Variants in USP12 observed in about 807,000 individuals in gnomAD.
USP12 encodes the protein ubiquitin specific peptidase 12, also known as ubiquitin carboxyl-terminal hydrolase 12.
Under a neutral mutation model 45.5 loss-of-function variants are expected in USP12, and 19 were observed. The observed-to-expected ratio is 0.42, with a 90% CI of 0.29 to 0.61. The LOEUF (loss-of-function observed/expected upper bound fraction) is 0.61, where lower values mean the gene tolerates loss of function less well. Among genes scored for constraint, USP12 ranks in the 20% least tolerant of loss-of-function variants. USP12 has a pLI of 0.22. For synonymous variants in USP12, 149 were observed against 148.8 expected (o/e 1.00, Z -0.01); for missense variants, 242 against 447.7 (o/e 0.54, Z 4.15).
chr13:27,098,038 T>C (rs1593182649), intron 3 of USP12, among the ~76,000 whole-genome samples: 1 of 148,714 alleles, frequency 6.7e-6, no homozygotes, highest in East Asian at 2.0e-4. Flanking sequence ...CAGGATGGAG[T>C]GCAACTTCAT....
intron 2 of USP12, among the ~76,000 whole-genome samples, chr13:27,106,383 T>C (rs565596): frequency 0.063 from 8,636 of 136,516 alleles, 311 homozygotes; most frequent in African/African-American, 0.078. Context: ...CTCTCCACTC[T>C]AGTAATTGGG....
At chr13:27,071,564 A>T (rs1252645442) in intron 7 of USP12, among the ~76,000 whole-genome samples, 4 of 152,170 alleles carry the variant, frequency 2.6e-5, no homozygotes, top group Non-Finnish European at 5.9e-5. Flanking sequence ...TCCCTTGGTA[A>T]TGGTTTTTTT....
At chr13:27,134,202 A>C (rs1337930277) in intron 1 of USP12, among the ~76,000 whole-genome samples, 1 of 152,202 alleles carries the variant, frequency 6.6e-6, no homozygotes, top group Admixed American at 6.5e-5. Context: ...CCTATAAATG[A>C]AAAAGACTAA....
chr13:27,104,680 A>G (rs1157466628), intron 3 of USP12, among the ~76,000 whole-genome samples: 2 of 152,216 alleles, frequency 1.3e-5, no homozygotes, highest in Admixed American at 1.3e-4. Context: ...ATAATAGCCT[A>G]TAGCCTATTT....
In USP12 at chr13:27,135,069, G is replaced by A. The variant is rs112666424; in HGVS notation, c.49-18473C>T. On this transcript the variant is annotated intron_variant, in intron 1 of 8. Transcript: ENST00000282344. ...GGAGGACGAGGTGGGCAAATCCCTT[G>A]AGCCCAGAAGTTTGAGACCAGCCTG... Among the ~76,000 whole-genome samples the A allele has an allele frequency of 3.8e-3, 586 of 152,248 alleles. 4 individuals are homozygous for A. Among genetic ancestry groups the A allele is most frequent in the African/African-American group, 0.013 (554 of 41,554 alleles).
intron 1 of USP12, among the ~76,000 whole-genome samples, chr13:27,143,056 G>A (rs988164078): frequency 7.3e-5 from 11 of 149,700 alleles, no homozygotes; most frequent in Non-Finnish European, 1.6e-4. Context: ...TCACGCCACT[G>A]CACTCTAGCC....
At chr13:27,084,169 T>TACATACATACACACAC (rs1295472031) in intron 6 of USP12, among the ~76,000 whole-genome samples, 1 of 142,412 alleles carries the variant, frequency 7.0e-6, no homozygotes, top group African/African-American at 2.7e-5. Context: ...CATGTTTGCA[T>TACATACATACACACAC]ACACACACAC....
At chr13:27,111,907 C>A (rs1875465144) in intron 2 of USP12, among the ~76,000 whole-genome samples, 1 of 151,436 alleles carries the variant, frequency 6.6e-6, no homozygotes, top group Non-Finnish European at 1.5e-5. Context: ...TAATGGCTAT[C>A]AAAACTGAAA....
intron 3 of USP12, 64 bp from the exon 4 acceptor site, chr13:27,095,894 TTATAAAAGA>T (rs1874558174): frequency 8.1e-7 from 1 of 1,238,342 alleles, no homozygotes; most frequent in African/African-American, 1.5e-5. Flanking sequence ...AAAAACCAAT[TTATAAAAGA>T]ATATCTAGTA....
intron 6 of USP12, among the ~76,000 whole-genome samples, chr13:27,089,152 T>C (rs1036229703): frequency 6.6e-6 from 1 of 152,224 alleles, no homozygotes; most frequent in Non-Finnish European, 1.5e-5. Flanking sequence ...TGTGGGATTC[T>C]GGACAGAATC....
intron 2 of USP12, among the ~76,000 whole-genome samples, chr13:27,116,148 T>A (rs1355460934): frequency 6.6e-6 from 1 of 151,740 alleles, no homozygotes; most frequent in African/African-American, 2.4e-5. Flanking sequence ...CTGTCTCTAC[T>A]AAAAATACAA....
intron 2 of USP12, among the ~76,000 whole-genome samples, chr13:27,110,854 T>C (rs1262641391): frequency 6.6e-6 from 1 of 152,152 alleles, no homozygotes; most frequent in East Asian, 1.9e-4. Context: ...ATCTCCATAT[T>C]TTGGAATAGG....
intron 1 of USP12, among the ~76,000 whole-genome samples, chr13:27,158,709 T>G (rs1468244506): frequency 6.6e-6 from 1 of 152,172 alleles, no homozygotes; most frequent in Admixed American, 6.5e-5. Flanking sequence ...ACACACAGTT[T>G]CTGGCACTTT....
intron 6 of USP12, chr13:27,089,500 T>C (rs557132579): frequency 1.3e-4 from 21 of 167,198 alleles, no homozygotes; most frequent in Non-Finnish European, 2.5e-4. Context: ...TAAGAGAATG[T>C]ACAACATCCT....
At chr13:27,110,991 G>A (rs1252629190) in intron 2 of USP12, among the ~76,000 whole-genome samples, 1 of 152,128 alleles carries the variant, frequency 6.6e-6, no homozygotes, top group Non-Finnish European at 1.5e-5. Flanking sequence ...GAAGCAAATA[G>A]GATAGGCTAA....
intron 3 of USP12, among the ~76,000 whole-genome samples, chr13:27,101,909 C>A (rs938871018): frequency 1.3e-5 from 2 of 152,178 alleles, no homozygotes; most frequent in Non-Finnish European, 2.9e-5. Flanking sequence ...ACATGAAACG[C>A]TGCTTGTCCA....
intron 4 of USP12, among the ~76,000 whole-genome samples, chr13:27,090,902 G>A (rs530044908): frequency 2.0e-5 from 3 of 152,274 alleles, no homozygotes; most frequent in East Asian, 3.9e-4. Context: ...TACAACATGT[G>A]ACTATACAAA....
chr13:27,150,217 A>G (rs1436427420), intron 1 of USP12, among the ~76,000 whole-genome samples: 1 of 152,216 alleles, frequency 6.6e-6, no homozygotes, highest in African/African-American at 2.4e-5. Context: ...AAATACATAC[A>G]ATTATGTCAA....
At chr13:27,162,772 T>C (rs989455816) in intron 1 of USP12, 9 of 152,240 alleles carry the variant, frequency 5.9e-5, no homozygotes, top group African/African-American at 1.9e-4. Context: ...TGGATTATTA[T>C]GATTAATGAA....
Sources: gnomAD v4.1 joint callset for allele counts (sites outside exome capture counted in the v4.1 genomes callset) on GRCh38, gnomAD v4.1.1 for gene constraint, MANE v1.5 for transcripts, NCBI Gene and HGNC (gene_info 2026-07-23, HGNC 2026-07-21) for gene names.